The following TMCC3 variants were observed in gnomAD, a reference collection of about 807,000 sequenced individuals.
TMCC3 encodes the protein transmembrane and coiled-coil domain protein 3.
A neutral mutation model predicts 40.2 loss-of-function variants in TMCC3; 28 were observed. The observed-to-expected ratio is 0.70, with a 90% confidence interval of 0.52 to 0.95. The LOEUF is 0.95. Ranked by LOEUF, TMCC3 falls within the 40% of genes least tolerant of loss-of-function variation. The pLI, the probability that TMCC3 is intolerant of heterozygous loss-of-function variation, is 0.00. For synonymous variants in TMCC3, 255 were observed against 248.5 expected (o/e 1.03, Z -0.25); for missense variants, 554 against 615.2 (o/e 0.90, Z 1.05).
chr12:94,575,878 A>G (rs556792758), intron 3 of TMCC3, among the ~76,000 whole-genome samples: 1 of 152,234 alleles, frequency 6.6e-6, no homozygotes, highest in African/African-American at 2.4e-5. Flanking sequence ...AGCTCACTGC[A>G]GCCACAAACT....
chr12:94,637,280 T>C (rs905917063), intron 1 of TMCC3, among the ~76,000 whole-genome samples: 1 of 152,094 alleles, frequency 6.6e-6, no homozygotes, highest in Non-Finnish European at 1.5e-5. Flanking sequence ...GGGTGAGGGG[T>C]ACATGGGACA....
intron 1 of TMCC3, among the ~76,000 whole-genome samples, chr12:94,612,800 G>A (rs144181097): frequency 1.3e-3 from 200 of 152,288 alleles, no homozygotes; most frequent in African/African-American, 4.5e-3. Flanking sequence ...GCTAAAAGCA[G>A]ACTGCAAGGT....
At chr12:94,593,359 T>TAA (rs372651534) in intron 1 of TMCC3, among the ~76,000 whole-genome samples, 1 of 44,184 alleles carries the variant, frequency 2.3e-5, no homozygotes, top group Non-Finnish European at 4.3e-5. Context: ...AGGCTCCATC[T>TAA]AAAAAAAAAA....
rs758893378 is a variant in TMCC3, at chr12:94,581,732, C to T, written c.885G>A (p.Arg295=). Residue 295 remains arginine (R), a synonymous_variant, in exon 2 of 4, where the codon AGG becomes AGA. Transcript: ENST00000261226. ...GKLAVILEEL[R]EIKDTQAQLA... Reference sequence around the variant, plus strand: ...GCTGAGCTTGGGTATCCTTGATCTCCCTCAGTTCCTCCAGGATCACGGCGA... The same window carrying T: ...GCTGAGCTTGGGTATCCTTGATCTCTCTCAGTTCCTCCAGGATCACGGCGA... The T allele has an allele frequency of 6.2e-7, 1 of 1,614,202 alleles. No homozygotes were observed. The highest frequency in any genetic ancestry group is 1.1e-5 in the South Asian group (1 of 91,084).
chr12:94,590,260 ATTTTTTTTTT>A (rs72186655), intron 1 of TMCC3, among the ~76,000 whole-genome samples: 2 of 85,358 alleles, frequency 2.3e-5, no homozygotes, highest in African/African-American at 1.1e-4. Context: ...CGCCCTGCTA[ATTTTTTTTTT>A]TTTTTTTTTT....
intron 1 of TMCC3, among the ~76,000 whole-genome samples, chr12:94,630,108 AT>A (rs900876504): frequency 2.6e-4 from 40 of 152,320 alleles, no homozygotes; most frequent in African/African-American, 9.4e-4. Flanking sequence ...TGTACAAAAA[AT>A]ACAAAAATTA....
chr12:94,626,682 G>A (rs1299786323), intron 1 of TMCC3, among the ~76,000 whole-genome samples: 1 of 152,070 alleles, frequency 6.6e-6, no homozygotes, highest in Admixed American at 6.5e-5. Flanking sequence ...CAAGTTACAA[G>A]GATGCCACGG....
At chr12:94,642,815 T>C (rs1394901839) in intron 1 of TMCC3, among the ~76,000 whole-genome samples, 1 of 152,222 alleles carries the variant, frequency 6.6e-6, no homozygotes, top group Non-Finnish European at 1.5e-5. Context: ...CACCGTTTAA[T>C]TCTCACAACA....
chr12:94,579,689 C>T (rs758835197), intron 2 of TMCC3, among the ~76,000 whole-genome samples: 55 of 152,324 alleles, frequency 3.6e-4, no homozygotes, highest in Non-Finnish European at 2.2e-4. Flanking sequence ...CAAAGAGCTT[C>T]ATCCAGATTT....
intron 1 of TMCC3, among the ~76,000 whole-genome samples, chr12:94,648,281 A>T (rs1487571778): frequency 6.6e-6 from 1 of 151,938 alleles, no homozygotes; most frequent in Non-Finnish European, 1.5e-5. Context: ...CTCTGTGCCC[A>T]GGCTGACGCG....
At chr12:94,621,260 G>T (rs2068874389) in intron 1 of TMCC3, among the ~76,000 whole-genome samples, 1 of 152,172 alleles carries the variant, frequency 6.6e-6, no homozygotes, top group Non-Finnish European at 1.5e-5. Flanking sequence ...TAACACTGCG[G>T]GTAAGCAAAC....
chr12:94,578,152 A>G (rs2138820871), intron 3 of TMCC3, among the ~76,000 whole-genome samples: 1 of 148,522 alleles, frequency 6.7e-6, no homozygotes, highest in East Asian at 1.9e-4. Context: ...ACCTCAAAAA[A>G]AAAAAAAAAA....
intron 1 of TMCC3, among the ~76,000 whole-genome samples, chr12:94,594,904 G>A (rs913626687): frequency 2.0e-5 from 3 of 152,100 alleles, no homozygotes; most frequent in African/African-American, 7.2e-5. Flanking sequence ...AGAGTCTTTC[G>A]GCATCTCCAG....
At chr12:94,602,238 C>T (rs1013547776) in intron 1 of TMCC3, among the ~76,000 whole-genome samples, 2 of 152,196 alleles carry the variant, frequency 1.3e-5, no homozygotes, top group Admixed American at 6.5e-5. Flanking sequence ...TTCTGTGAAT[C>T]ATTACGACCT....
At chr12:94,629,412 T>A (rs1013433532) in intron 1 of TMCC3, among the ~76,000 whole-genome samples, 3 of 152,200 alleles carry the variant, frequency 2.0e-5, no homozygotes, top group Admixed American at 6.5e-5. Flanking sequence ...TCCCTGCCAC[T>A]CTGCATCATT....
At chr12:94,645,433 T>C (rs2069013016) in intron 1 of TMCC3, among the ~76,000 whole-genome samples, 1 of 152,164 alleles carries the variant, frequency 6.6e-6, no homozygotes, top group Admixed American at 6.5e-5. Context: ...ATTTTGGAAT[T>C]TGTTTTGTTT....
intron 1 of TMCC3, among the ~76,000 whole-genome samples, chr12:94,613,052 T>A (rs2068825564): frequency 6.6e-6 from 1 of 151,852 alleles, no homozygotes; most frequent in African/African-American, 2.4e-5. Flanking sequence ...TGGAGAGATA[T>A]ATATACACGC....
intron 1 of TMCC3, among the ~76,000 whole-genome samples, chr12:94,607,702 A>G (rs1447717904): frequency 6.6e-6 from 1 of 152,214 alleles, no homozygotes; most frequent in Non-Finnish European, 1.5e-5. Context: ...CACCGTGCCC[A>G]GCCTGAAAGA....
In TMCC3 at chr12:94,650,552, G is replaced by A. The variant is rs977839552; in HGVS notation, c.-122C>T. On this transcript the variant is annotated 5_prime_UTR_variant, in exon 1 of 4. Coordinates refer to ENST00000261226, the MANE Select transcript of TMCC3 (RefSeq NM_020698.4). Reference sequence around the variant, plus strand: ...GGGCGGCGCGGCTGCTGCAGCTGTTGCCTCTGGTGCCAACACCCGCGCGGC... The same window carrying A: ...GGGCGGCGCGGCTGCTGCAGCTGTTACCTCTGGTGCCAACACCCGCGCGGC... 6.4e-6 allele frequency: 5 copies of A among 776,614 alleles called. No individual in the cohort carries two copies. The highest frequency in any genetic ancestry group is 8.5e-6 in the Non-Finnish European group (5 of 588,050). The allele number at this position is 776,614 out of a possible 1,614,324, so 48.1% of individuals were successfully genotyped here.
Sources: allele counts gnomAD v4.1 joint callset (sites outside exome capture counted in the v4.1 genomes callset), GRCh38; gene constraint gnomAD v4.1.1; transcripts MANE v1.5; gene names NCBI Gene and HGNC (gene_info 2026-07-23, HGNC 2026-07-21).